Variants in RERE observed in about 807,000 individuals in gnomAD.
RERE encodes the protein arginine-glutamic acid dipeptide repeats protein.
A neutral mutation model predicts 146.1 loss-of-function variants in RERE; 40 were observed. That is an observed-to-expected ratio of 0.27 (90% CI 0.21 to 0.36). The LOEUF is 0.36. RERE is among the 10% of genes least tolerant of loss of function. The pLI is 1.00. For synonymous variants in RERE, 1,003 were observed against 866.0 expected (o/e 1.16, Z -2.78); for missense variants, 1,933 against 2,138.7 (o/e 0.90, Z 1.90).
intron 10 of RERE, among the ~76,000 whole-genome samples, 164 bp from the exon 11 acceptor site, chr1:8,466,187 C>G (rs916464868): frequency 6.6e-6 from 1 of 152,088 alleles, no homozygotes; most frequent in African/African-American, 2.4e-5. Context: ...TCATCCAAGA[C>G]CACCCTATCC....
At chr1:8,566,874 T>G (rs1472167192) in intron 4 of RERE, among the ~76,000 whole-genome samples, 1 of 150,810 alleles carries the variant, frequency 6.6e-6, no homozygotes, top group East Asian at 2.0e-4. Flanking sequence ...CACTGCAACC[T>G]CCGCCTCCAG....
intron 12 of RERE, among the ~76,000 whole-genome samples, chr1:8,372,822 G>C (rs1255165527): frequency 6.6e-6 from 1 of 152,184 alleles, no homozygotes; most frequent in Non-Finnish European, 1.5e-5. Flanking sequence ...CCAGGCTCTG[G>C]CCTTGTGCCA....
At chr1:8,786,422 A>G (rs1044620276) in intron 1 of RERE, 10 of 864,640 alleles carry the variant, frequency 1.2e-5, no homozygotes, top group Non-Finnish European at 2.0e-5. Context: ...AGAGCAATCA[A>G]AGCGTTATCT....
intron 7 of RERE, among the ~76,000 whole-genome samples, chr1:8,531,227 G>A (rs1333839324): frequency 6.6e-6 from 1 of 152,058 alleles, no homozygotes; most frequent in Non-Finnish European, 1.5e-5. Flanking sequence ...TGGGTGACTT[G>A]AGGTCAGGAG....
chr1:8,495,279 G>T (rs1226167565), intron 9 of RERE, 117 bp from the exon 10 acceptor site: 3 of 688,238 alleles, frequency 4.4e-6, no homozygotes, highest in Non-Finnish European at 5.1e-6. Flanking sequence ...CTACACGCAT[G>T]ATGAACCAGT....
In RERE at chr1:8,360,016, C is replaced by T. The variant is rs200047928; in HGVS notation, c.3396-30G>A. The T allele has an allele frequency of 6.4e-4, 1,037 of 1,609,132 alleles. 2 individuals are homozygous for T. The highest frequency in any genetic ancestry group is 8.0e-4 in the Non-Finnish European group (941 of 1,177,632). On this transcript the variant is annotated intron_variant, in intron 18 of 22. Coordinates refer to ENST00000400908, the MANE Select transcript of RERE (RefSeq NM_001042681.2). ...GAAAAGCCACAGATCTTGCTGGGAGCTCCTGCCGAGACCCACCCCGGCCCT... is the reference window on the plus strand; with the variant it reads ...GAAAAGCCACAGATCTTGCTGGGAGTTCCTGCCGAGACCCACCCCGGCCCT...
At chr1:8,658,567 C>G (rs952047880) in intron 1 of RERE, among the ~76,000 whole-genome samples, 1 of 152,018 alleles carries the variant, frequency 6.6e-6, no homozygotes, top group African/African-American at 2.4e-5. Context: ...ACCATCCTGG[C>G]TAACACGGTG....
chr1:8,660,473 T>A (rs116677400), intron 1 of RERE, among the ~76,000 whole-genome samples: 215 of 152,356 alleles, frequency 1.4e-3, no homozygotes, highest in African/African-American at 4.9e-3. Context: ...TGAAGTGAAC[T>A]GGACAGAAGT....
chr1:8,630,851 C>G (rs1229529440), intron 2 of RERE, among the ~76,000 whole-genome samples: 1 of 152,216 alleles, frequency 6.6e-6, no homozygotes, highest in Non-Finnish European at 1.5e-5. Context: ...CAACTGTTAT[C>G]AAAATCAGCT....
In RERE at chr1:8,358,389, C is replaced by T. The variant is rs146070483; in HGVS notation, c.4146G>A (p.Ala1382=). 46 of 1,607,684 alleles carry T rather than the reference C, an allele frequency of 2.9e-5. No individual in the cohort carries two copies. Among genetic ancestry groups the T allele is most frequent in the African/African-American group, 5.3e-5 (4 of 74,856 alleles). The change falls in exon 20 of 23, where the codon GCG becomes GCA. Residue 1382 remains alanine (A), a synonymous_variant. Coordinates refer to ENST00000400908, the MANE Select transcript of RERE (RefSeq NM_001042681.2). ...TCATCTCGGGCCGCAGCTGGGGGCC[C>T]GCCAGGGCCAGTCTCTCCCTCTCCA... ...NPLERERLAL[A]GPQLRPEMSY...
intron 1 of RERE, among the ~76,000 whole-genome samples, chr1:8,658,861 C>A (rs1638389792): frequency 1.3e-5 from 2 of 152,280 alleles, no homozygotes; most frequent in Admixed American, 1.3e-4. Flanking sequence ...TTAGGTCAAA[C>A]CTCTTACCAG....
intron 1 of RERE, among the ~76,000 whole-genome samples, chr1:8,698,696 G>A (rs990629140): frequency 2.0e-5 from 3 of 151,904 alleles, no homozygotes; most frequent in Non-Finnish European, 4.4e-5. Context: ...TTAATAGATA[G>A]AGACAGGGTC....
intron 7 of RERE, among the ~76,000 whole-genome samples, chr1:8,526,293 C>CTT (rs34947776): frequency 4.9e-5 from 7 of 141,844 alleles, no homozygotes; most frequent in African/African-American, 1.8e-4. Flanking sequence ...CAAGTTTTGT[C>CTT]TTTTTTTTTT....
chr1:8,774,951 CTTTTTTTTTTTTTTTTTT>C lies in RERE; in HGVS notation c.-145+42191_-145+42208del, dbSNP rs869173167. Among the ~76,000 whole-genome samples the C allele has an allele frequency of 6.3e-5, 3 of 47,974 alleles. No individual in the cohort carries two copies. In the South Asian group the frequency reaches 2.6e-3, roughly 41 times the overall value. The allele number at this position is 47,974 out of a possible 152,430, so 31.5% of individuals were successfully genotyped here. A position where few individuals can be genotyped will look rare whatever the true frequency, so the allele number is the denominator to read the frequency against. On this transcript the variant is annotated intron_variant, in intron 1 of 22. Transcript: ENST00000400908. Reference sequence around the variant, plus strand: ...TCATAGTAGCATTTCTTCTTTCTTTCTTTTTTTTTTTTTTTTTTTTTTTTTTTTTTGAAACAGTCTCAC... The same window carrying C: ...TCATAGTAGCATTTCTTCTTTCTTTCTTTTTTTTTTTTGAAACAGTCTCAC...
intron 6 of RERE, among the ~76,000 whole-genome samples, chr1:8,550,776 G>T (rs1025005522): frequency 3.3e-5 from 5 of 152,172 alleles, no homozygotes; most frequent in African/African-American, 1.2e-4. Context: ...TTGAACTCCT[G>T]ACCTCAGGTG....
intron 2 of RERE, among the ~76,000 whole-genome samples, chr1:8,633,972 C>A (rs1428419892): frequency 6.6e-6 from 1 of 151,978 alleles, no homozygotes; most frequent in Non-Finnish European, 1.5e-5. Flanking sequence ...AATCAACACC[C>A]AAACAGTAAT....
chr1:8,706,403 C>G (rs1639562932), intron 1 of RERE, among the ~76,000 whole-genome samples: 1 of 152,164 alleles, frequency 6.6e-6, no homozygotes, highest in South Asian at 2.1e-4. Context: ...TAACTAGTGT[C>G]CTATTTCCAA....
At chr1:8,585,007 G>C (rs534177857) in intron 4 of RERE, among the ~76,000 whole-genome samples, 41 of 152,154 alleles carry the variant, frequency 2.7e-4, no homozygotes, top group African/African-American at 9.2e-4. Flanking sequence ...AAATTAGCCA[G>C]GTGTGGTGGC....
At chr1:8,614,982 G>A (rs555851680) in intron 3 of RERE, among the ~76,000 whole-genome samples, 6 of 152,288 alleles carry the variant, frequency 3.9e-5, no homozygotes, top group African/African-American at 9.6e-5. Flanking sequence ...GTGAGATAGT[G>A]CCAAAGCACA....
Sources: gnomAD v4.1 joint callset for allele counts (sites outside exome capture counted in the v4.1 genomes callset) on GRCh38, gnomAD v4.1.1 for gene constraint, MANE v1.5 for transcripts, NCBI Gene and HGNC (gene_info 2026-07-23, HGNC 2026-07-21) for gene names.